Variants in NKAIN3 observed in about 807,000 individuals in gnomAD.
The protein encoded by NKAIN3 is sodium/potassium transporting ATPase interacting 3.
NKAIN3 carries 25 observed loss-of-function variants against 30.2 expected under a neutral mutation model. That is an observed-to-expected ratio of 0.83 (90% confidence interval 0.60 to 1.16). The LOEUF is 1.16. NKAIN3 is among the 50% of genes most tolerant of loss of function. The pLI is 0.00. For missense variants in NKAIN3, 225 were observed against 254.1 expected, an observed-to-expected ratio of 0.89 and a Z score of 0.78; for synonymous variants, 91 against 89.6, an observed-to-expected ratio of 1.02 and a Z score of -0.09.
intron 4 of NKAIN3, among the ~76,000 whole-genome samples, chr8:62,887,848 G>A (rs978577111): frequency 3.3e-5 from 5 of 152,026 alleles, no homozygotes; most frequent in African/African-American, 1.2e-4. Context: ...TTTTATTCCA[G>A]TAATTCCAAC....
At chr8:62,325,962 TTACTC>T in intron 1 of NKAIN3, among the ~76,000 whole-genome samples, 1 of 152,226 alleles carries the variant, frequency 6.6e-6, no homozygotes, top group Middle Eastern at 3.4e-3. Context: ...GGTAGTCTGT[TTACTC>T]TATTGATTAT....
rs138303812 is a variant in NKAIN3, at chr8:62,717,155, G to C, written c.274-29777G>C. 2.1e-3 allele frequency among the ~76,000 whole-genome samples: 317 copies of C among 152,304 alleles called. No individual in the cohort carries two copies. In the Middle Eastern group the frequency reaches 0.024, roughly 11 times the overall value. On this transcript the variant is annotated intron_variant, in intron 3 of 6. Transcript: ENST00000623646. ...AGAGCTGAAAAGAGTTTCATACCCA[G>C]AATGTAGAGTGTGAAGAGGTCACAA...
chr8:62,279,557 G>T (rs532922527), intron 1 of NKAIN3, among the ~76,000 whole-genome samples: 1 of 152,248 alleles, frequency 6.6e-6, no homozygotes, highest in East Asian at 1.9e-4. Flanking sequence ...TGTATAAGAT[G>T]TAAGGAAGGG....
At chr8:62,831,400 A>G (rs1819193976) in intron 4 of NKAIN3, among the ~76,000 whole-genome samples, 1 of 152,188 alleles carries the variant, frequency 6.6e-6, no homozygotes, top group Non-Finnish European at 1.5e-5. Context: ...GGAATTTCAG[A>G]AATGACATGA....
chr8:62,687,667 G>C (rs1175027402), intron 3 of NKAIN3, among the ~76,000 whole-genome samples: 2 of 152,180 alleles, frequency 1.3e-5, no homozygotes, highest in East Asian at 3.8e-4. Flanking sequence ...AGCATCAAAA[G>C]CACTCTGCTG....
At chr8:62,641,757 A>G (rs1469837950) in intron 3 of NKAIN3, among the ~76,000 whole-genome samples, 3 of 152,180 alleles carry the variant, frequency 2.0e-5, no homozygotes, top group African/African-American at 7.2e-5. Flanking sequence ...ATTATTTTCA[A>G]GAGAATGTGT....
intron 4 of NKAIN3, among the ~76,000 whole-genome samples, chr8:62,747,851 A>G (rs1417043080): frequency 2.0e-5 from 3 of 152,162 alleles, no homozygotes; most frequent in Non-Finnish European, 2.9e-5. Context: ...GCCATTCTCA[A>G]CCCACTCTTC....
intron 3 of NKAIN3, among the ~76,000 whole-genome samples, chr8:62,668,260 A>T: frequency 6.6e-6 from 1 of 152,154 alleles, no homozygotes; most frequent in East Asian, 1.9e-4. Context: ...TAAGGCATGG[A>T]CTTTGCTTTG....
intron 3 of NKAIN3, among the ~76,000 whole-genome samples, chr8:62,677,130 T>C (rs1277383723): frequency 6.6e-6 from 1 of 152,204 alleles, no homozygotes; most frequent in Non-Finnish European, 1.5e-5. Context: ...AAATAGACTC[T>C]GAAATGGACA....
At position 62,364,828 on chromosome 8, in the gene NKAIN3, CAAAA is replaced by C. The variant is rs58784999; in HGVS notation, c.54+115721_54+115724del. Among the ~76,000 whole-genome samples, 118 of 63,756 alleles carry C rather than the reference CAAAA, an allele frequency of 1.9e-3. 2 individuals are homozygous for C. The highest frequency in any genetic ancestry group is 7.3e-3 in the African/African-American group (107 of 14,630). 41.8% of individuals were successfully genotyped at this position (63,756 alleles called of 152,430 possible). A position where few individuals can be genotyped will look rare whatever the true frequency, so the allele number is the denominator to read the frequency against. On this transcript the variant is annotated intron_variant, in intron 1 of 6. Coordinates refer to ENST00000623646, the MANE Select transcript of NKAIN3 (RefSeq NM_001304533.3). ...TGTGTGACAGAGCGAGACTCCACTA[CAAAA>C]AAAAAAAAAAAAAAAAAAATCATCT...
intron 4 of NKAIN3, among the ~76,000 whole-genome samples, chr8:62,770,166 G>A (rs1049327664): frequency 3.3e-5 from 5 of 152,154 alleles, no homozygotes; most frequent in Non-Finnish European, 7.3e-5. Flanking sequence ...GAAACTAAGG[G>A]GCCCAAGCTC....
At chr8:62,724,839 T>C (rs1321033510) in intron 3 of NKAIN3, among the ~76,000 whole-genome samples, 1 of 152,154 alleles carries the variant, frequency 6.6e-6, no homozygotes, top group East Asian at 1.9e-4. Flanking sequence ...GCAATAAACA[T>C]AGGAGTGCAG....
chr8:62,799,542 ATAG>A, intron 4 of NKAIN3, among the ~76,000 whole-genome samples: 1 of 152,348 alleles, frequency 6.6e-6, no homozygotes, highest in East Asian at 1.9e-4. Context: ...AAATCAAAAA[ATAG>A]TAAATGTTGA....
intron 4 of NKAIN3, among the ~76,000 whole-genome samples, chr8:62,857,920 C>T (rs1449457219): frequency 1.3e-5 from 2 of 152,174 alleles, no homozygotes; most frequent in Non-Finnish European, 2.9e-5. Context: ...AGGGGGCACT[C>T]TGGTTTTTTG....
At chr8:62,638,759 TC>T (rs1812214042) in intron 3 of NKAIN3, among the ~76,000 whole-genome samples, 1 of 152,102 alleles carries the variant, frequency 6.6e-6, no homozygotes, top group Admixed American at 6.6e-5. Context: ...ATATATTCCT[TC>T]CCTAAACCCC....
intron 1 of NKAIN3, among the ~76,000 whole-genome samples, chr8:62,443,510 A>C: frequency 6.6e-6 from 1 of 152,006 alleles, no homozygotes; most frequent in East Asian, 1.9e-4. Context: ...CAGCCTCCCG[A>C]GTAGCTGGGA....
At chr8:62,836,282 A>G (rs1265546068) in intron 4 of NKAIN3, among the ~76,000 whole-genome samples, 1 of 152,018 alleles carries the variant, frequency 6.6e-6, no homozygotes, top group Non-Finnish European at 1.5e-5. Context: ...CATGAAATAT[A>G]CTCATTCAAC....
At chr8:62,511,141 T>A (rs566183451) in intron 1 of NKAIN3, among the ~76,000 whole-genome samples, 11 of 152,136 alleles carry the variant, frequency 7.2e-5, no homozygotes, top group Non-Finnish European at 1.2e-4. Context: ...GTGGCTTCCC[T>A]CAAGCTTTCC....
At chr8:62,330,349 T>C (rs1388820487) in intron 1 of NKAIN3, among the ~76,000 whole-genome samples, 4 of 151,758 alleles carry the variant, frequency 2.6e-5, no homozygotes, top group South Asian at 2.1e-4. Flanking sequence ...CCAGGGTACG[T>C]AGGAAACAAG....
Sources: allele counts gnomAD v4.1 joint callset (sites outside exome capture counted in the v4.1 genomes callset), GRCh38; gene constraint gnomAD v4.1.1; transcripts MANE v1.5; gene names NCBI Gene and HGNC (gene_info 2026-07-23, HGNC 2026-07-21).